Variants in XKR9 observed in about 807,000 individuals in gnomAD.
The protein encoded by XKR9 is XK-related protein 9.
XKR9 carries 32 observed loss-of-function variants against 32.0 expected under a neutral mutation model. That is an observed-to-expected ratio of 1.00 (90% CI 0.76 to 1.34). The LOEUF (loss-of-function observed/expected upper bound fraction) is 1.34. XKR9 is among the 40% of genes most tolerant of loss of function. The pLI, the probability that XKR9 is intolerant of heterozygous loss-of-function variation, is 0.00. For synonymous variants in XKR9, 168 were observed against 143.4 expected (o/e 1.17, Z -1.22); for missense variants, 546 against 429.7 (o/e 1.27, Z -2.39).
the XKR9 span, among the ~76,000 whole-genome samples, chr8:70,798,072 A>C: frequency 1.3e-5 from 2 of 152,182 alleles, no homozygotes; most frequent in Non-Finnish European, 2.9e-5. Context: ...TATACTCAGT[A>C]ATGGGATTTC....
the XKR9 span, among the ~76,000 whole-genome samples, chr8:70,918,866 C>T: frequency 2.0e-5 from 3 of 147,520 alleles, no homozygotes; most frequent in Non-Finnish European, 3.0e-5. Context: ...CAAGCTCCAC[C>T]TCCCAGGTTC....
At chr8:70,726,341 T>C (rs1806469628) in intron 4 of XKR9, among the ~76,000 whole-genome samples, 1 of 152,204 alleles carries the variant, frequency 6.6e-6, no homozygotes, top group African/African-American at 2.4e-5. Flanking sequence ...TTAATTTTGT[T>C]CGTGCCTGAA....
the XKR9 span, among the ~76,000 whole-genome samples, chr8:71,045,877 G>A: frequency 6.6e-6 from 1 of 152,304 alleles, no homozygotes; most frequent in East Asian, 1.9e-4. Context: ...GGTAGTAGGT[G>A]TCAGGCATCC....
chr8:70,713,880 G>A (rs911049501), intron 4 of XKR9, among the ~76,000 whole-genome samples: 32 of 152,056 alleles, frequency 2.1e-4, no homozygotes, highest in African/African-American at 7.5e-4. Context: ...TGCTTGGGCG[G>A]CCATACAGAA....
chr8:70,966,851 T>C, the XKR9 span, among the ~76,000 whole-genome samples: 1 of 152,136 alleles, frequency 6.6e-6, no homozygotes, highest in African/African-American at 2.4e-5. Flanking sequence ...TTTTATTGAA[T>C]TGAACACTTT....
the XKR9 span, among the ~76,000 whole-genome samples, chr8:70,957,586 C>T: frequency 6.6e-6 from 1 of 152,028 alleles, no homozygotes; most frequent in African/African-American, 2.4e-5. Flanking sequence ...CAAGATGTGT[C>T]CATGTGTTCT....
chr8:70,797,504 A>G, the XKR9 span, among the ~76,000 whole-genome samples: 2 of 152,066 alleles, frequency 1.3e-5, no homozygotes, highest in Non-Finnish European at 2.9e-5. Flanking sequence ...CCAAAGCTAC[A>G]TATATAATCT....
At chr8:70,889,307 C>T in the XKR9 span, among the ~76,000 whole-genome samples, 1 of 151,106 alleles carries the variant, frequency 6.6e-6, no homozygotes, top group African/African-American at 2.4e-5. Context: ...GATTTAGTGC[C>T]CTACAAATTT....
chr8:71,050,298 T>TATATAGATATAGATATAG, the XKR9 span, among the ~76,000 whole-genome samples: 2 of 92,800 alleles, frequency 2.2e-5, no homozygotes, highest in African/African-American at 8.5e-5. Flanking sequence ...TATAGATATA[T>TATATAGATATAGATATAG]ATATAGATAT....
At chr8:70,743,863 C>T (rs1035334246) in intron 2 of XKR9, among the ~76,000 whole-genome samples, 1 of 152,040 alleles carries the variant, frequency 6.6e-6, no homozygotes, top group African/African-American at 2.4e-5. Flanking sequence ...GCCATTCCTT[C>T]TTCCAGATGT....
chr8:70,858,207 C>G, the XKR9 span, among the ~76,000 whole-genome samples: 1 of 152,096 alleles, frequency 6.6e-6, no homozygotes, highest in Non-Finnish European at 1.5e-5. Flanking sequence ...GATTGTATAT[C>G]TAGAAAACCC....
chr8:70,946,384 G>A, the XKR9 span, among the ~76,000 whole-genome samples: 1 of 151,306 alleles, frequency 6.6e-6, no homozygotes, highest in Non-Finnish European at 1.5e-5. Flanking sequence ...AAAAAAAAAC[G>A]ATAAAAACTA....
chr8:70,779,615 A>G lies in XKR9; in HGVS notation n.353-9724A>G, dbSNP rs1029924870. 3.9e-5 allele frequency among the ~76,000 whole-genome samples: 6 copies of G among 152,254 alleles called. No homozygotes were observed. The South Asian group carries it at 1.0e-3, about 26-fold the overall frequency. ...TTTTTTGGTTGGTAGGCTATTAATT[A>G]TTGCCTCAATTTCAGAACCTGTTGT... On this transcript the variant is annotated intron_variant and non_coding_transcript_variant, in intron 2 of 3. Transcript: ENST00000520273.
chr8:71,032,281 C>CAAAA, the XKR9 span, among the ~76,000 whole-genome samples: 41 of 73,220 alleles, frequency 5.6e-4, 3 homozygotes, highest in African/African-American at 1.6e-3. Context: ...GAGACTCTGT[C>CAAAA]AAAAAAAAAA....
At chr8:70,983,598 T>C in the XKR9 span, among the ~76,000 whole-genome samples, 1 of 151,956 alleles carries the variant, frequency 6.6e-6, no homozygotes, top group South Asian at 2.1e-4. Flanking sequence ...CTGGCTAACA[T>C]GGTGAAACCT....
chr8:70,754,783 C>A (rs979482454), intron 2 of XKR9, among the ~76,000 whole-genome samples: 19 of 151,596 alleles, frequency 1.3e-4, no homozygotes, highest in African/African-American at 3.9e-4. Flanking sequence ...TAAAGACTTA[C>A]ATGTTAGACC....
chr8:70,843,177 G>A, the XKR9 span, among the ~76,000 whole-genome samples: 1 of 152,110 alleles, frequency 6.6e-6, no homozygotes, highest in Non-Finnish European at 1.5e-5. Flanking sequence ...ATGATTGCAT[G>A]TAACCTGGAT....
chr8:70,896,263 A>G, the XKR9 span, among the ~76,000 whole-genome samples: 1 of 152,214 alleles, frequency 6.6e-6, no homozygotes, highest in African/African-American at 2.4e-5. Context: ...ATTTTCTAGA[A>G]GAGATAGTGT....
At chr8:70,980,873 A>T in the XKR9 span, among the ~76,000 whole-genome samples, 5 of 152,336 alleles carry the variant, frequency 3.3e-5, no homozygotes, top group Non-Finnish European at 7.3e-5. Flanking sequence ...TCTGAAAAAG[A>T]CCATGTTTTT....
Sources: allele counts gnomAD v4.1 joint callset (sites outside exome capture counted in the v4.1 genomes callset), GRCh38; gene constraint gnomAD v4.1.1; transcripts MANE v1.5; gene names NCBI Gene and HGNC (gene_info 2026-07-23, HGNC 2026-07-21).